The following JAZF1 variants were observed in gnomAD, a reference collection of about 807,000 sequenced individuals.
JAZF1 encodes the protein juxtaposed with another zinc finger protein 1.
A neutral mutation model predicts 26.4 loss-of-function variants in JAZF1; 8 were observed. That is an observed-to-expected ratio of 0.30 (90% CI 0.18 to 0.55). JAZF1 has a LOEUF of 0.55. Ranked by LOEUF, JAZF1 falls within the 20% of genes least tolerant of loss-of-function variation. JAZF1 has a pLI of 0.94. For synonymous variants in JAZF1, 126 were observed against 122.3 expected, an observed-to-expected ratio of 1.03 and a Z score of -0.20; for missense variants, 199 against 322.0, an observed-to-expected ratio of 0.62 and a Z score of 2.92.
chr7:28,173,343 C>T (rs1262511613), intron 1 of JAZF1, among the ~76,000 whole-genome samples: 5 of 152,178 alleles, frequency 3.3e-5, no homozygotes, highest in Admixed American at 6.5e-5. Flanking sequence ...GCTGTCCTCA[C>T]TATCCATGGT....
At chr7:27,857,181 A>C (rs1783280204) in intron 3 of JAZF1, among the ~76,000 whole-genome samples, 1 of 152,214 alleles carries the variant, frequency 6.6e-6, no homozygotes, top group South Asian at 2.1e-4. Flanking sequence ...GGTGGGCTGC[A>C]GGTCCCGAGC....
intron 1 of JAZF1, among the ~76,000 whole-genome samples, chr7:28,159,968 T>A (rs2127951328): frequency 6.6e-6 from 1 of 152,276 alleles, no homozygotes; most frequent in East Asian, 1.9e-4. Context: ...TTGTGATAGT[T>A]TAAAAATGGC....
At chr7:28,086,434 C>T (rs923153880) in intron 1 of JAZF1, among the ~76,000 whole-genome samples, 1 of 152,182 alleles carries the variant, frequency 6.6e-6, no homozygotes, top group Non-Finnish European at 1.5e-5. Context: ...TGATAAACCC[C>T]TTTAATATTT....
At position 27,840,727 on chromosome 7, in the gene JAZF1, G is replaced by A. The variant is rs759449364; in HGVS notation, c.526C>T (p.Pro176Ser). The change falls in exon 4 of 5, where the codon CCA (proline) becomes TCA (serine). Residue 176 changes from proline to serine, a missense_variant. Pro to Ser is a moderately conservative substitution (Grantham distance 74). Transcript: ENST00000283928. The surrounding 1 kb of genome is among the most constrained non-coding windows in gnomAD (Gnocchi z 5.1). ...NGGEEKPFACPVPGCKKRYKN... is the reference protein window; with the variant it reads ...NGGEEKPFACSVPGCKKRYKN... ...TATCTCTTTTTACATCCAGGAACTG[G>A]GCAGGCAAAAGGCTTCTCTTCCCCT... is the stretch of plus-strand genomic sequence containing the variant. The A allele has an allele frequency of 8.1e-6, 13 of 1,614,152 alleles. No homozygotes were observed. Among genetic ancestry groups the A allele is most frequent in the Non-Finnish European group, 1.1e-5 (13 of 1,180,026 alleles).
Position 27,832,869 on chromosome 7 carries a change from G to A in JAZF1, c.663C>T (p.Gly221=), listed in dbSNP as rs1782733609. ...GGAAATTGATTGTGTGGTGCCGCAG[G>A]CCCTGAGCTGTCTTGTAACTCTTCC... The part of the protein sequence containing the change: ...RCGKSYKTAQ[G]LRHHTINFHP... The change falls in exon 5 of 5, where the codon GGC becomes GGT. Residue 221 remains glycine, a synonymous_variant. Transcript: ENST00000283928. The A allele has an allele frequency of 6.2e-7, 1 of 1,612,806 alleles. No homozygotes were observed. The highest frequency in any genetic ancestry group is 1.7e-5 in the Admixed American group (1 of 59,646).
chr7:28,009,998 G>A (rs774166632), intron 1 of JAZF1, among the ~76,000 whole-genome samples: 1 of 152,064 alleles, frequency 6.6e-6, no homozygotes, highest in Non-Finnish European at 1.5e-5. Flanking sequence ...TTGCAATTTG[G>A]CTTCATCAAT....
chr7:28,054,264 G>A (rs1197627855), intron 1 of JAZF1, among the ~76,000 whole-genome samples: 3 of 152,100 alleles, frequency 2.0e-5, no homozygotes, highest in Non-Finnish European at 2.9e-5. Context: ...GCATAAAACT[G>A]ACCCCATAGT....
chr7:27,896,223 G>A (rs904392725), intron 2 of JAZF1, among the ~76,000 whole-genome samples: 6 of 152,290 alleles, frequency 3.9e-5, no homozygotes, highest in African/African-American at 9.6e-5. Context: ...CTTCTCTGAT[G>A]TTGGTAATAT....
chr7:27,836,823 C>T (rs1051961165), intron 4 of JAZF1, among the ~76,000 whole-genome samples: 1 of 152,150 alleles, frequency 6.6e-6, no homozygotes, highest in Non-Finnish European at 1.5e-5. Flanking sequence ...ATTGCCTCTT[C>T]CCTCAGTCAT....
At chr7:28,007,066 C>T (rs990716874) in intron 1 of JAZF1, among the ~76,000 whole-genome samples, 5 of 152,186 alleles carry the variant, frequency 3.3e-5, no homozygotes, top group African/African-American at 1.2e-4. Context: ...AAGTGCTATC[C>T]AGCTACTGCA....
At chr7:27,974,800 A>G (rs926129850) in intron 2 of JAZF1, among the ~76,000 whole-genome samples, 1 of 152,128 alleles carries the variant, frequency 6.6e-6, no homozygotes, top group Non-Finnish European at 1.5e-5. Flanking sequence ...TATAAAGAAA[A>G]GAAAAGAGGT....
At chr7:28,125,931 T>TTGG (rs1377057124) in intron 1 of JAZF1, among the ~76,000 whole-genome samples, 1 of 152,136 alleles carries the variant, frequency 6.6e-6, no homozygotes, top group African/African-American at 2.4e-5. Flanking sequence ...AAGACCAAGG[T>TTGG]TGGTCTCAAG....
At chr7:28,104,090 G>A (rs868033802) in intron 1 of JAZF1, among the ~76,000 whole-genome samples, 5 of 152,122 alleles carry the variant, frequency 3.3e-5, no homozygotes, top group Admixed American at 2.0e-4. Context: ...CCCAGTCCGA[G>A]CTGTTCCCTC....
chr7:27,845,621 C>T (rs951972027), intron 3 of JAZF1, among the ~76,000 whole-genome samples: 9 of 147,482 alleles, frequency 6.1e-5, no homozygotes, highest in African/African-American at 1.5e-4. Context: ...CGCTTGAACC[C>T]GGGAGGCAGA....
At chr7:28,099,588 T>G (rs958247582) in intron 1 of JAZF1, among the ~76,000 whole-genome samples, 2 of 152,152 alleles carry the variant, frequency 1.3e-5, no homozygotes, top group Non-Finnish European at 2.9e-5. Context: ...GCATTTCTCC[T>G]GCCTCAGCCT....
chr7:27,995,129 T>A (rs1200415970), intron 1 of JAZF1, among the ~76,000 whole-genome samples: 1 of 152,226 alleles, frequency 6.6e-6, no homozygotes, highest in African/African-American at 2.4e-5. Flanking sequence ...GTTCAGATAT[T>A]TTTTGAACAT....
intron 4 of JAZF1, among the ~76,000 whole-genome samples, chr7:27,837,241 C>T (rs974198006): frequency 3.9e-5 from 6 of 152,346 alleles, no homozygotes; most frequent in African/African-American, 1.4e-4. Context: ...AGGTTAAGCA[C>T]TTCAACCCAT....
chr7:28,069,231 C>T (rs189174628), intron 1 of JAZF1, among the ~76,000 whole-genome samples: 40 of 152,356 alleles, frequency 2.6e-4, no homozygotes, highest in African/African-American at 7.9e-4. Flanking sequence ...CTTGATCTCA[C>T]GGCCTCATCT....
chr7:27,912,010 G>A (rs1418962123), intron 2 of JAZF1, among the ~76,000 whole-genome samples: 1 of 152,128 alleles, frequency 6.6e-6, no homozygotes, highest in Non-Finnish European at 1.5e-5. Context: ...ATGCAAAGAC[G>A]TCCTCTCAAA....
Sources: allele counts gnomAD v4.1 joint callset (sites outside exome capture counted in the v4.1 genomes callset), GRCh38; gene constraint gnomAD v4.1.1; non-coding constraint Gnocchi (gnomAD v3.1); transcripts MANE v1.5; gene names NCBI Gene and HGNC (gene_info 2026-07-23, HGNC 2026-07-21).